Variants in ACSBG2 observed in about 807,000 individuals in gnomAD.
The protein encoded by ACSBG2 is long-chain-fatty-acid--CoA ligase ACSBG2.
ACSBG2 carries 62 observed loss-of-function variants against 74.7 expected under a neutral mutation model. That is an observed-to-expected ratio of 0.83 (90% CI 0.68 to 1.03). ACSBG2 has a LOEUF of 1.03. Ranked by LOEUF, ACSBG2 falls within the 50% of genes least tolerant of loss-of-function variation. The pLI is 0.00. For synonymous variants in ACSBG2, 309 were observed against 294.1 expected (o/e 1.05, Z -0.52); for missense variants, 730 against 817.6 (o/e 0.89, Z 1.31).
At chr19:6,143,145 A>C (rs778438619) in intron 2 of ACSBG2, among the ~76,000 whole-genome samples, 2 of 152,108 alleles carry the variant, frequency 1.3e-5, no homozygotes, top group Non-Finnish European at 2.9e-5. Flanking sequence ...CCCAGGCTCA[A>C]GCGATTCTCA....
intron 1 of ACSBG2, chr19:6,137,223 G>T (rs78478791): frequency 1.4e-5 from 2 of 139,484 alleles, no homozygotes; most frequent in South Asian, 2.6e-4. Flanking sequence ...GGGGGGGGGG[G>T]GGCTTGCTTG....
In ACSBG2 at chr19:6,174,703, C is replaced by T. The variant is rs1036152427; in HGVS notation, c.739-2526C>T. 6.6e-6 allele frequency among the ~76,000 whole-genome samples: 1 copy of T among 152,152 alleles called. No individual in the cohort carries two copies. The highest frequency in any genetic ancestry group is 1.5e-5 in the Non-Finnish European group (1 of 68,026). ...TGGCACATGCCTGTAGTCCCAGCTA[C>T]TCGGGAGGCTGAAGTGAGACGATCC... is the stretch of plus-strand genomic sequence containing the variant. On this transcript the variant is annotated intron_variant, in intron 7 of 14. Coordinates refer to ENST00000588485, the MANE Select transcript of ACSBG2 (RefSeq NM_030924.5). This position sits in a 1 kb window ranked among gnomAD's most constrained non-coding sequence, Gnocchi z 4.2.
At chr19:6,186,989 G>A (rs140469583) in intron 11 of ACSBG2, among the ~76,000 whole-genome samples, 2,668 of 150,076 alleles carry the variant, frequency 0.018, 54 homozygotes, top group African/African-American at 0.046. Context: ...GAGCCACTGT[G>A]CCTGGCCACT....
intron 7 of ACSBG2, among the ~76,000 whole-genome samples, chr19:6,169,154 G>T (rs896527842): frequency 2.6e-5 from 4 of 152,136 alleles, no homozygotes; most frequent in African/African-American, 9.7e-5. Flanking sequence ...TCTGTTAATT[G>T]TTTCTTTTGC....
rs571690548 is a variant in ACSBG2, at chr19:6,171,555, C to T, written c.738+5540C>T. Among the ~76,000 whole-genome samples the T allele has an allele frequency of 2.0e-4, 31 of 152,198 alleles. No homozygotes were observed. The East Asian group carries it at 6.0e-3, about 29-fold the overall frequency. On this transcript the variant is annotated intron_variant, in intron 7 of 14. Transcript: ENST00000588485. ...AAAATGGGCCCTCAATCTCTTCTGG[C>T]TTGTGAGGTTTCTGCTAAGAAATCC...
At chr19:6,169,809 G>A (rs2089913851) in intron 7 of ACSBG2, among the ~76,000 whole-genome samples, 1 of 152,106 alleles carries the variant, frequency 6.6e-6, no homozygotes, top group Admixed American at 6.5e-5. Flanking sequence ...TTGGTTAAAT[G>A]TGTCTGTGGG....
chr19:6,185,832 C>T (rs2090390649), intron 11 of ACSBG2, among the ~76,000 whole-genome samples, 179 bp downstream of exon 11: 1 of 152,172 alleles, frequency 6.6e-6, no homozygotes, highest in Non-Finnish European at 1.5e-5. Flanking sequence ...ACAGTTACCC[C>T]TTGGTCACTT....
intron 14 of ACSBG2, chr19:6,191,602 C>G (rs2090564342): frequency 6.6e-6 from 1 of 152,110 alleles, no homozygotes; most frequent in African/African-American, 2.4e-5. Flanking sequence ...TCACTGTGTT[C>G]AAATTTCCCT....
In ACSBG2 at chr19:6,183,270, AAGGTACC is replaced by A; in HGVS notation, c.1322+1_1322+7del. On this transcript the variant is annotated splice_donor_variant and splice_donor_5th_base_variant and coding_sequence_variant and intron_variant, in exon 10 of 15. Coordinates refer to ENST00000588485, the MANE Select transcript of ACSBG2 (RefSeq NM_030924.5). LOFTEE classifies it high-confidence loss of function. ...CCAACCAGAATAACTACAGGCTTCT[AAGGTACC>A]AGCCCCCGGGGCAGACCCCTGCTCC... The A allele has an allele frequency of 6.2e-7, 1 of 1,613,778 alleles. No individual in the cohort carries two copies. The highest frequency in any genetic ancestry group is 8.5e-7 in the Non-Finnish European group (1 of 1,179,684).
intron 13 of ACSBG2, 99 bp from the exon 14 acceptor site, chr19:6,190,485 G>T: frequency 9.7e-7 from 1 of 1,027,494 alleles, no homozygotes; most frequent in Non-Finnish European, 1.5e-6. Context: ...CAGCCACCCA[G>T]CCTAGCCCCA....
intron 5 of ACSBG2, among the ~76,000 whole-genome samples, chr19:6,159,697 T>A (rs1341133412): frequency 6.6e-6 from 1 of 152,194 alleles, no homozygotes; most frequent in Non-Finnish European, 1.5e-5. Context: ...CTGCTTATAA[T>A]CCTCTAATTC....
At chr19:6,147,712 T>C in intron 3 of ACSBG2, 37 bp downstream of exon 3, 1 of 1,586,170 alleles carries the variant, frequency 6.3e-7, no homozygotes, top group Non-Finnish European at 8.7e-7. Flanking sequence ...TGTTCAACCA[T>C]TCATTCTGAA....
chr19:6,184,636 G>GAC (rs1447518761), intron 10 of ACSBG2, among the ~76,000 whole-genome samples: 9 of 146,142 alleles, frequency 6.2e-5, no homozygotes, highest in African/African-American at 2.3e-4. Context: ...AAAAGACAAA[G>GAC]AACCCAGATT....
intron 7 of ACSBG2, among the ~76,000 whole-genome samples, chr19:6,167,164 C>T (rs2089832670): frequency 6.6e-6 from 1 of 152,184 alleles, no homozygotes; most frequent in Non-Finnish European, 1.5e-5. Context: ...CTTATAAATG[C>T]TTCCCTGCCC....
intron 14 of ACSBG2, chr19:6,192,004 A>G (rs894252700): frequency 2.1e-5 from 3 of 141,850 alleles, no homozygotes; most frequent in South Asian, 4.6e-4. Flanking sequence ...ACTGGCCACT[A>G]TGTGGTCTGT....
chr19:6,177,661 G>A (rs1016304284), intron 8 of ACSBG2, among the ~76,000 whole-genome samples: 9 of 151,974 alleles, frequency 5.9e-5, no homozygotes, highest in African/African-American at 1.7e-4. Flanking sequence ...GCAAGATGGC[G>A]AAACCCTATC....
intron 8 of ACSBG2, among the ~76,000 whole-genome samples, chr19:6,179,114 C>T (rs2090170910): frequency 6.6e-6 from 1 of 152,178 alleles, no homozygotes. Context: ...AGGACATCAA[C>T]AGCATCTTCT....
intron 7 of ACSBG2, among the ~76,000 whole-genome samples, chr19:6,169,101 C>A (rs1330201838): frequency 6.6e-6 from 1 of 152,174 alleles, no homozygotes; most frequent in Non-Finnish European, 1.5e-5. Context: ...TTAATTGATG[C>A]ACAGTTGCAA....
chr19:6,140,805 TCTTA>T (rs908521044), intron 1 of ACSBG2, among the ~76,000 whole-genome samples: 100 of 152,346 alleles, frequency 6.6e-4, no homozygotes, highest in African/African-American at 2.4e-3. Context: ...GCTTTTTTGA[TCTTA>T]CTTAACCTGA....
Sources: gnomAD v4.1 joint callset for allele counts (sites outside exome capture counted in the v4.1 genomes callset) on GRCh38, gnomAD v4.1.1 for gene constraint, Gnocchi (gnomAD v3.1) non-coding constraint, MANE v1.5 for transcripts, NCBI Gene and HGNC (gene_info 2026-07-23, HGNC 2026-07-21) for gene names.